ZNF709: variants seen among roughly 807,000 people sequenced by gnomAD.
ZNF709 encodes the protein zinc finger protein 709.
ZNF709 carries 15 observed loss-of-function variants against 10.6 expected under a neutral mutation model. That is an observed-to-expected ratio of 1.41 (90% CI 0.95 to 2.18). The LOEUF (loss-of-function observed/expected upper bound fraction) is 2.18, where lower values mean the gene tolerates loss of function less well. Ranked by LOEUF, ZNF709 falls within the 30% of genes most tolerant of loss-of-function variation. ZNF709 has a pLI of 0.00. For synonymous variants in ZNF709, 194 were observed against 238.8 expected (o/e 0.81, Z 1.73); for missense variants, 589 against 774.0 (o/e 0.76, Z 2.84).
At position 12,465,739 on chromosome 19, in the gene ZNF709, A is replaced by C. The variant is rs1368302088; in HGVS notation, c.189-6T>G. On this transcript the variant is annotated splice_polypyrimidine_tract_variant and splice_region_variant and intron_variant, in intron 3 of 3. Transcript: ENST00000397732. The stretch of plus-strand genomic sequence containing the variant: ...GCCTCTCTACCATATGACTTCTGTG[A>C]GAAAAAAACAAAACAAAACGCACAA... 6.7e-7 allele frequency: 1 copy of C among 1,493,170 alleles called. No individual in the cohort carries two copies. Among genetic ancestry groups the C allele is most frequent in the Non-Finnish European group, 8.9e-7 (1 of 1,127,952 alleles). The allele number at this position is 1,493,170 out of a possible 1,614,324, so 92.5% of individuals were successfully genotyped here.
Position 12,483,633 on chromosome 19 carries a change from G to A in ZNF709, c.3+1022C>T, listed in dbSNP as rs540155683. Among the ~76,000 whole-genome samples the A allele has an allele frequency of 1.8e-4, 27 of 152,032 alleles. 1 individual carries two copies. In the South Asian group the frequency reaches 5.4e-3, roughly 30 times the overall value. Reference sequence around the variant, plus strand: ...CTCAACTGCAACCTCTGCCTCCCGGGTTCAAGTGATTCTCCTGCCTCAGCC... The same window carrying A: ...CTCAACTGCAACCTCTGCCTCCCGGATTCAAGTGATTCTCCTGCCTCAGCC... On this transcript the variant is annotated intron_variant, in intron 1 of 3. Coordinates refer to ENST00000397732, the MANE Select transcript of ZNF709 (RefSeq NM_152601.4).
intron 1 of ZNF709, among the ~76,000 whole-genome samples, chr19:12,482,355 T>A (rs975781084): frequency 6.6e-6 from 1 of 152,014 alleles, no homozygotes; most frequent in South Asian, 2.1e-4. Context: ...AGTGAGACAG[T>A]CCCTGGTGAC....
intron 1 of ZNF709, among the ~76,000 whole-genome samples, chr19:12,481,959 A>G (rs1306823348): frequency 6.2e-5 from 5 of 80,870 alleles, no homozygotes; most frequent in Admixed American, 1.3e-4. Flanking sequence ...GAAAGGAGGA[A>G]GGAAAGGAAG....
At chr19:12,482,166 C>CAA (rs1450241146) in intron 1 of ZNF709, among the ~76,000 whole-genome samples, 4 of 151,512 alleles carry the variant, frequency 2.6e-5, no homozygotes, top group Admixed American at 2.6e-4. Context: ...AACACACACA[C>CAA]ACACACACAC....
rs1970562045 is a variant in ZNF709, at chr19:12,465,499, T to C, written c.423A>G (p.Glu141=). ...TGAATCTTTTCCCACATTCCTTACA[T>C]TCATATGATTTCTCTCCATATTTGT... ...EYHKYGEKSY[E]CKECGKRFSF... Residue 141 remains glutamate, a synonymous_variant, in exon 4 of 4, where the codon GAA becomes GAG. Coordinates refer to ENST00000397732, the MANE Select transcript of ZNF709 (RefSeq NM_152601.4). 1 of 1,610,226 alleles carries C rather than the reference T, an allele frequency of 6.2e-7. No homozygotes were observed. The highest frequency in any genetic ancestry group is 8.5e-7 in the Non-Finnish European group (1 of 1,178,672).
At chr19:12,481,575 C>A (rs1426057340) in intron 1 of ZNF709, among the ~76,000 whole-genome samples, 3 of 152,088 alleles carry the variant, frequency 2.0e-5, no homozygotes, top group Non-Finnish European at 4.4e-5. Flanking sequence ...TTGCATCATA[C>A]CTTTCAATCG....
At position 12,465,662 on chromosome 19, in the gene ZNF709, G is replaced by A. The variant is rs1568245685; in HGVS notation, c.260C>T (p.Pro87Leu). 3 of 1,612,014 alleles carry A rather than the reference G, an allele frequency of 1.9e-6. No homozygotes were observed. Among genetic ancestry groups the A allele is most frequent in the Admixed American group, 3.4e-5 (2 of 59,658 alleles). ...AGTTTTCTTGTTTGGTTTAGGATTT[G>A]GAGTCTGACTGATGGTTTCTCCAAA... ...SQFGETISQT[P>L]NPKPNKKTFT... Residue 87 changes from proline (P) to leucine (L), a missense_variant, in exon 4 of 4, where the codon CCA (proline) becomes CTA (leucine). Pro to Leu is a moderately conservative substitution (Grantham distance 98). Around this residue, in one of 2 missense-constraint regions of ZNF709, gnomAD observed 418 missense variants for 496.3 expected, o/e 0.84. Transcript: ENST00000397732.
intron 1 of ZNF709, among the ~76,000 whole-genome samples, chr19:12,478,673 A>C (rs1970695580): frequency 6.6e-6 from 1 of 152,268 alleles, no homozygotes; most frequent in South Asian, 2.1e-4. Flanking sequence ...TCTTGGGGAA[A>C]GCAGGGCAGG....
chr19:12,464,824 G>A lies in ZNF709; in HGVS notation c.1098C>T (p.Cys366=). Reference sequence around the variant, plus strand: ...AATCAAAGGCTTTCCCACATTCCTTGCATTTATAAGGTCCATTTCCAGTGT... The same window carrying A: ...AATCAAAGGCTTTCCCACATTCCTTACATTTATAAGGTCCATTTCCAGTGT... ...IMHTGNGPYK[C]KECGKAFDCP... Residue 366 remains cysteine, a synonymous_variant, in exon 4 of 4, where the codon TGC becomes TGT. Transcript: ENST00000397732. The A allele has an allele frequency of 1.9e-6, 3 of 1,612,710 alleles. No individual in the cohort carries two copies. Among genetic ancestry groups the A allele is most frequent in the Non-Finnish European group, 2.5e-6 (3 of 1,179,488 alleles).
Position 12,461,631 on chromosome 19 carries a change from C to G in ZNF709, c.*2365G>C, listed in dbSNP as rs1482605443. The G allele has an allele frequency of 1.3e-5, 2 of 152,140 alleles. No homozygotes were observed. Among genetic ancestry groups the G allele is most frequent in the Non-Finnish European group, 2.9e-5 (2 of 68,028 alleles). The allele number at this position is 152,140 out of a possible 1,614,324, so 9.4% of individuals were successfully genotyped here. A position where few individuals can be genotyped will look rare whatever the true frequency, so the allele number is the denominator to read the frequency against. On this transcript the variant is annotated 3_prime_UTR_variant, in exon 4 of 4. Coordinates refer to ENST00000397732, the MANE Select transcript of ZNF709 (RefSeq NM_152601.4). ...AATTCAACCTAGAGATGAGGTGAGT[C>G]AGAGCATCAGAGAATATTCCCAACC...
At position 12,464,491 on chromosome 19, in the gene ZNF709, T is replaced by C. The variant is rs758944601; in HGVS notation, c.1431A>G (p.Glu477=). Residue 477 remains glutamate, a synonymous_variant, in exon 4 of 4, where the codon GAA becomes GAG. Coordinates refer to ENST00000397732, the MANE Select transcript of ZNF709 (RefSeq NM_152601.4). The part of the protein sequence containing the change: ...ERIHTGEKPY[E]CKQCGKAFSF... ...TAAAGGCTTTACCACACTGTTTACA[T>C]TCATAGGGTTTCTCTCCAGTGTGAA... 6.2e-7 allele frequency: 1 copy of C among 1,612,850 alleles called. No individual in the cohort carries two copies. Among genetic ancestry groups the C allele is most frequent in the Non-Finnish European group, 8.5e-7 (1 of 1,179,552 alleles).
rs1970561084 is a variant in ZNF709, at chr19:12,465,445, T to C, written c.477A>G (p.Glu159=). Residue 159 remains glutamate, a synonymous_variant, in exon 4 of 4, where the codon GAA becomes GAG. Coordinates refer to ENST00000397732, the MANE Select transcript of ZNF709 (RefSeq NM_152601.4). ...FSFRSSFRIH[E]RTHTGEKPYK... is the part of the protein sequence containing the mutation. The stretch of plus-strand genomic sequence containing the variant: ...AGGGTTTCTCTCCAGTGTGAGTTCT[T>C]TCATGTATTCGAAATGAACTTCGAA... The C allele has an allele frequency of 6.2e-7, 1 of 1,611,654 alleles. No homozygotes were observed. Among genetic ancestry groups the C allele is most frequent in the Non-Finnish European group, 8.5e-7 (1 of 1,179,234 alleles).
intron 1 of ZNF709, among the ~76,000 whole-genome samples, chr19:12,479,896 G>A (rs769918716): frequency 1.3e-5 from 2 of 152,018 alleles, no homozygotes; most frequent in Non-Finnish European, 2.9e-5. Context: ...CCAGCTGGGT[G>A]TGGTGGCTCA....
At chr19:12,478,696 G>A (rs117899233) in intron 1 of ZNF709, among the ~76,000 whole-genome samples, 4,128 of 152,340 alleles carry the variant, frequency 0.027, 79 homozygotes, top group South Asian at 0.053. Flanking sequence ...GCCCAAGCAG[G>A]TGTGACATAG....
chr19:12,466,418 G>A (rs374535425), intron 3 of ZNF709, 44 bp downstream of exon 3: 1 of 1,542,104 alleles, frequency 6.5e-7, no homozygotes, highest in East Asian at 2.3e-5. Context: ...GGCATGCTAA[G>A]ATTCTCTCAT....
At chr19:12,481,093 T>A in intron 1 of ZNF709, 8 of 891,170 alleles carry the variant, frequency 9.0e-6, no homozygotes, top group Non-Finnish European at 1.1e-5. Flanking sequence ...CTCTTTTAAA[T>A]TTCCAAGTAC....
In ZNF709 at chr19:12,464,600, G is replaced by A. The variant is rs1435494942; in HGVS notation, c.1322C>T (p.Thr441Ile). ...CSSSVRIHER[T>I]HTGEKPYECK... ...TTCATAGGGTTTCTCTCCAGTGTGAGTCCTTTCATGTATTCGAACAGAACT... is the reference window on the plus strand; with the variant it reads ...TTCATAGGGTTTCTCTCCAGTGTGAATCCTTTCATGTATTCGAACAGAACT... Residue 441 changes from threonine (T) to isoleucine (I), a missense_variant, in exon 4 of 4, where the codon ACT becomes ATT. Transcript: ENST00000397732. The A allele has an allele frequency of 1.2e-6, 2 of 1,611,998 alleles. No homozygotes were observed. Among genetic ancestry groups the A allele is most frequent in the African/African-American group, 1.3e-5 (1 of 74,876 alleles).
intron 1 of ZNF709, among the ~76,000 whole-genome samples, chr19:12,479,466 C>T (rs964249386): frequency 2.6e-5 from 4 of 152,062 alleles, no homozygotes; most frequent in African/African-American, 9.7e-5. Context: ...TTAAAATAAA[C>T]AGCTAAATTT....
Position 12,466,505 on chromosome 19 carries a change from C to A in ZNF709, c.145G>T (p.Glu49Ter). The change falls in exon 3 of 4, where the codon GAG (glutamate) becomes TAG (stop). Residue 49 changes from glutamate (E) to a stop codon, truncating the protein, a stop_gained. Coordinates refer to ENST00000397732, the MANE Select transcript of ZNF709 (RefSeq NM_152601.4). LOFTEE classifies it low-confidence loss of function (END_TRUNC). ...NLASIGENWE[E>*]KNIEDHKNQG... is the part of the protein sequence containing the mutation. ...TTTTTGTGATCTTCAATGTTCTTCT[C>A]CTCCCAGTTTTCCCCTAAAATGCAG... 3 of 1,614,006 alleles carry A rather than the reference C, an allele frequency of 1.9e-6. No homozygotes were observed. The highest frequency in any genetic ancestry group is 2.5e-6 in the Non-Finnish European group (3 of 1,180,006).
Sources: allele counts gnomAD v4.1 joint callset (sites outside exome capture counted in the v4.1 genomes callset), GRCh38; gene constraint gnomAD v4.1.1; regional missense constraint gnomAD v4.1.1; transcripts MANE v1.5; gene names NCBI Gene and HGNC (gene_info 2026-07-23, HGNC 2026-07-21).